HAL: variants seen among roughly 807,000 people sequenced by gnomAD.
HAL encodes histidine ammonia-lyase.
A neutral mutation model predicts 81.1 loss-of-function variants in HAL; 85 were observed. The observed-to-expected ratio is 1.05, with a 90% CI of 0.88 to 1.25. HAL has a LOEUF of 1.25. Ranked by LOEUF, HAL falls within the 50% of genes most tolerant of loss-of-function variation. The probability of loss-of-function intolerance (pLI) is 0.00; values close to 1 mark genes in which losing one functional copy is unlikely to be tolerated. For synonymous variants in HAL, 301 were observed against 309.2 expected (o/e 0.97, Z 0.28); for missense variants, 798 against 836.6 (o/e 0.95, Z 0.57).
Position 95,994,100 on chromosome 12 carries a change from T to G in HAL, c.401A>C (p.Tyr134Ser). The G allele has an allele frequency of 6.2e-7, 1 of 1,613,048 alleles. No homozygotes were observed. The highest frequency in any genetic ancestry group is 8.5e-7 in the Non-Finnish European group (1 of 1,179,056). ...EDLVNLGKGR[Y>S]KIKLTPTAEK... is the part of the protein sequence containing the mutation. ...CCTCCCTCCCCATACCTTTATTTTG[T>G]AGCGTCCCTTTCCCAAGTTGACCAG... is the stretch of plus-strand genomic sequence containing the variant. The change falls in exon 5 of 21, where the codon TAC becomes TCC. Residue 134 changes from tyrosine to serine, a missense_variant. By Grantham distance (144) the Tyr-to-Ser change is moderately radical. Transcript: ENST00000261208.
chr12:95,992,929 G>T, intron 8 of HAL, 124 bp from the exon 9 acceptor site: 1 of 864,670 alleles, frequency 1.2e-6, no homozygotes, highest in Non-Finnish European at 1.9e-6. Flanking sequence ...TCTCCTCTCG[G>T]CTCAGGTAGT....
intron 14 of HAL, among the ~76,000 whole-genome samples, chr12:95,985,456 G>A (rs543099917): frequency 6.6e-6 from 1 of 152,090 alleles, no homozygotes; most frequent in African/African-American, 2.4e-5. Flanking sequence ...TAGGCATGGT[G>A]GCACATGCCT....
intron 9 of HAL, among the ~76,000 whole-genome samples, chr12:95,991,974 T>G (rs1340032189): frequency 6.6e-6 from 1 of 152,258 alleles, no homozygotes; most frequent in Non-Finnish European, 1.5e-5. Flanking sequence ...TGTTTGTGAC[T>G]GCCTCAGCAC....
intron 17 of HAL, among the ~76,000 whole-genome samples, chr12:95,979,914 G>C (rs1410229109): frequency 1.3e-5 from 2 of 152,214 alleles, no homozygotes; most frequent in East Asian, 3.8e-4. Context: ...TACCTCAGGT[G>C]ACAATTGTGC....
intron 12 of HAL, among the ~76,000 whole-genome samples, chr12:95,986,854 C>A (rs976083389): frequency 6.6e-6 from 1 of 152,050 alleles, no homozygotes; most frequent in African/African-American, 2.4e-5. Flanking sequence ...ACTCAACTTC[C>A]GGGCTGTGTG....
At chr12:95,995,074 A>C in intron 2 of HAL, 81 bp from the exon 3 acceptor site, 1 of 1,031,838 alleles carries the variant, frequency 9.7e-7, no homozygotes, top group Non-Finnish European at 1.5e-6. Flanking sequence ...ACGGCCCATC[A>C]TTGGCCCATG....
intron 15 of HAL, among the ~76,000 whole-genome samples, chr12:95,981,453 A>T (rs2136800031): frequency 6.6e-6 from 1 of 152,246 alleles, no homozygotes; most frequent in Non-Finnish European, 1.5e-5. Context: ...GCTGAATATT[A>T]TTACTCTGAG....
Position 95,993,995 on chromosome 12 carries a change from T to A in HAL, c.415A>T (p.Thr139Ser), listed in dbSNP as rs1592851709. 3 of 1,611,546 alleles carry A rather than the reference T, an allele frequency of 1.9e-6. No homozygotes were observed. Among genetic ancestry groups the A allele is most frequent in the East Asian group, 4.5e-5 (2 of 44,862 alleles). Residue 139 changes from threonine to serine, a missense_variant, in exon 6 of 21, where the codon ACC (threonine) becomes TCC (serine). By Grantham distance (58) the Thr-to-Ser change is moderately conservative. Transcript: ENST00000261208. ...TGCACCCTCTTCTCAGCTGTTGGGGTGAGCTAGGAAAATGTTGATCAGAAC... is the reference window on the plus strand; with the variant it reads ...TGCACCCTCTTCTCAGCTGTTGGGGAGAGCTAGGAAAATGTTGATCAGAAC... ...LGKGRYKIKL[T>S]PTAEKRVQKS...
intron 14 of HAL, 128 bp downstream of exon 14, chr12:95,985,780 T>C: frequency 1.5e-6 from 1 of 683,172 alleles, no homozygotes. Context: ...AGTAAGAAAT[T>C]TGGACTATAG....
At chr12:95,976,391 A>G (rs774352907) in intron 20 of HAL, 38 bp downstream of exon 20, 17 of 1,534,004 alleles carry the variant, frequency 1.1e-5, no homozygotes, top group Non-Finnish European at 1.5e-5. Flanking sequence ...TTCCTGTAAC[A>G]ATTAAAAATT....
intron 2 of HAL, chr12:95,995,306 TG>T: frequency 1.8e-6 from 1 of 561,514 alleles, no homozygotes; most frequent in Non-Finnish European, 3.2e-6. Flanking sequence ...AGTCTGGGGG[TG>T]GGGGTGGATT....
At chr12:95,988,331 G>T in intron 10 of HAL, 91 bp from the exon 11 acceptor site, 1 of 767,894 alleles carries the variant, frequency 1.3e-6, no homozygotes. Flanking sequence ...AGCTCTTTAT[G>T]CCCAAAAGTC....
intron 18 of HAL, among the ~76,000 whole-genome samples, chr12:95,977,123 T>C (rs1375858462): frequency 6.6e-6 from 1 of 152,192 alleles, no homozygotes; most frequent in African/African-American, 2.4e-5. Context: ...TAAATAATTG[T>C]ATGCATTTCA....
intron 8 of HAL, among the ~76,000 whole-genome samples, chr12:95,993,093 T>C (rs1399055843): frequency 6.6e-6 from 1 of 152,188 alleles, no homozygotes; most frequent in Non-Finnish European, 1.5e-5. Flanking sequence ...TCCAGAGTCC[T>C]TAGCACAACT....
intron 15 of HAL, 30 bp from the exon 16 acceptor site, chr12:95,980,893 A>G (rs780994821): frequency 7.4e-7 from 1 of 1,349,476 alleles, no homozygotes. Flanking sequence ...CTTGAAGATA[A>G]TGTTTGCTGG....
Position 95,993,951 on chromosome 12 carries a change from T to C in HAL, c.459A>G (p.Ile153Met). Reference protein sequence around the residue: ...EKRVQKSREVIDSIIKEKTVV... With the variant: ...EKRVQKSREVMDSIIKEKTVV... ...CTGTTTTCTCTTTTATGATGCTATCTATGACCTCCCTGGATTTCTGCACCC... is the reference window on the plus strand; with the variant it reads ...CTGTTTTCTCTTTTATGATGCTATCCATGACCTCCCTGGATTTCTGCACCC... The change falls in exon 6 of 21, where the codon ATA becomes ATG. Residue 153 changes from isoleucine (I) to methionine (M), a missense_variant. Physicochemically the swap from Ile to Met is conservative, Grantham distance 10 (BLOSUM62 1). Coordinates refer to ENST00000261208, the MANE Select transcript of HAL (RefSeq NM_002108.4). The C allele has an allele frequency of 6.2e-7, 1 of 1,607,776 alleles. No homozygotes were observed. The highest frequency in any genetic ancestry group is 8.5e-7 in the Non-Finnish European group (1 of 1,174,264).
chr12:95,976,761 G>A lies in HAL; in HGVS notation c.1655-55C>T. On this transcript the variant is annotated intron_variant, in intron 18 of 20. Transcript: ENST00000261208. ...TATGAAAGTCTGACTTCATGCTTAA[G>A]GAATGTGGATTTCCCAAAGTTGACA... 6.1e-6 allele frequency: 7 copies of A among 1,150,994 alleles called. No individual in the cohort carries two copies. In the South Asian group the frequency reaches 7.5e-5, roughly 12 times the overall value. The allele number at this position is 1,150,994 out of a possible 1,614,324, so 71.3% of individuals were successfully genotyped here. A position where few individuals can be genotyped will look rare whatever the true frequency, so the allele number is the denominator to read the frequency against.
chr12:95,990,603 G>A, intron 9 of HAL, 71 bp from the exon 10 acceptor site: 1 of 1,198,156 alleles, frequency 8.3e-7, no homozygotes, highest in African/African-American at 1.5e-5. Flanking sequence ...GCCAGTGAGT[G>A]CCCCCACTGC....
At chr12:95,991,400 TATAAA>T (rs1430275912) in intron 9 of HAL, among the ~76,000 whole-genome samples, 2 of 152,192 alleles carry the variant, frequency 1.3e-5, no homozygotes, top group Non-Finnish European at 2.9e-5. Flanking sequence ...GGAAAAGTAA[TATAAA>T]ATGTTCCAGA....
Sources: gnomAD v4.1 joint callset for allele counts (sites outside exome capture counted in the v4.1 genomes callset) on GRCh38, gnomAD v4.1.1 for gene constraint, MANE v1.5 for transcripts, NCBI Gene and HGNC (gene_info 2026-07-23, HGNC 2026-07-21) for gene names.